The following FGF14 variants were observed in gnomAD, a reference collection of about 807,000 sequenced individuals.
FGF14 encodes the protein fibroblast growth factor 14, also known as fibroblast growth factor homologous factor 4.
In FGF14, 5 loss-of-function variants were observed where a neutral mutation model predicts 25.5. That is an observed-to-expected ratio of 0.20 (90% CI 0.10 to 0.41). The LOEUF (loss-of-function observed/expected upper bound fraction) is 0.41. FGF14 is among the 10% of genes least tolerant of loss of function. The pLI is 1.00. For missense variants in FGF14, 222 were observed against 320.1 expected (o/e 0.69, Z 2.34); for synonymous variants, 138 against 118.3 (o/e 1.17, Z -1.08).
intron 3 of FGF14, among the ~76,000 whole-genome samples, chr13:101,809,846 A>G (rs922617320): frequency 2.6e-5 from 4 of 152,106 alleles, no homozygotes; most frequent in African/African-American, 4.8e-5. Context: ...CAACCACCCT[A>G]TAAGGTTTTT....
intron 1 of FGF14, among the ~76,000 whole-genome samples, chr13:102,069,166 G>T (rs941506474): frequency 5.3e-5 from 8 of 151,868 alleles, no homozygotes. Flanking sequence ...AGCACCCTGT[G>T]TTTAGCTCAA....
intron 1 of FGF14, among the ~76,000 whole-genome samples, chr13:102,286,152 C>A (rs759007306): frequency 6.6e-6 from 1 of 152,116 alleles, no homozygotes; most frequent in Non-Finnish European, 1.5e-5. Flanking sequence ...TAGGGGCCAG[C>A]GTTCCTAAGC....
intron 1 of FGF14, among the ~76,000 whole-genome samples, chr13:102,289,042 T>C (rs1237403350): frequency 3.9e-5 from 6 of 152,194 alleles, no homozygotes; most frequent in South Asian, 2.1e-4. Context: ...AATTGATTTA[T>C]TGACCCTTTG....
At chr13:102,279,533 G>T (rs921997741) in intron 1 of FGF14, among the ~76,000 whole-genome samples, 3 of 151,882 alleles carry the variant, frequency 2.0e-5, no homozygotes, top group African/African-American at 7.3e-5. Context: ...CTATTACTTT[G>T]TTCCTCATTT....
At position 101,799,846 on chromosome 13, in the gene FGF14, C is replaced by A. The variant is rs544983561; in HGVS notation, c.408+68879G>T. On this transcript the variant is annotated intron_variant, in intron 3 of 4. Transcript: ENST00000376143. ...TGAACAACTCAAGGGGAAAAGGACACCGAAAAATAGTCTTCAGAATTGTCC... is the reference window on the plus strand; with the variant it reads ...TGAACAACTCAAGGGGAAAAGGACAACGAAAAATAGTCTTCAGAATTGTCC... Among the ~76,000 whole-genome samples, 44 of 149,080 alleles carry A rather than the reference C, an allele frequency of 3.0e-4. 1 individual carries two copies. The highest frequency in any genetic ancestry group is 5.6e-4 in the Non-Finnish European group (38 of 67,258).
At chr13:101,994,777 T>G (rs936291347) in intron 1 of FGF14, among the ~76,000 whole-genome samples, 2 of 152,096 alleles carry the variant, frequency 1.3e-5, no homozygotes, top group Non-Finnish European at 2.9e-5. Context: ...CTATCCCTTA[T>G]TAAAAATCTA....
At chr13:102,235,833 A>C (rs567539219) in intron 1 of FGF14, among the ~76,000 whole-genome samples, 8 of 152,252 alleles carry the variant, frequency 5.3e-5, no homozygotes, top group Admixed American at 1.3e-4. Context: ...TTCCCAGGTG[A>C]GGCATTTTTA....
intron 2 of FGF14, among the ~76,000 whole-genome samples, chr13:101,870,908 A>G (rs1040055320): frequency 6.6e-6 from 1 of 152,078 alleles, no homozygotes; most frequent in African/African-American, 2.4e-5. Context: ...AGCCTAGATC[A>G]CGCCACTGCA....
chr13:101,989,899 T>C (rs1296846065), intron 1 of FGF14, among the ~76,000 whole-genome samples: 5 of 152,146 alleles, frequency 3.3e-5, no homozygotes, highest in Non-Finnish European at 7.4e-5. Flanking sequence ...AACTTTTAAC[T>C]ATAAATTCTT....
At chr13:101,737,886 C>G (rs1215119118) in intron 3 of FGF14, among the ~76,000 whole-genome samples, 2 of 151,650 alleles carry the variant, frequency 1.3e-5, no homozygotes, top group African/African-American at 4.8e-5. Context: ...AAGAATGTAC[C>G]CCATCAAAAC....
chr13:101,953,967 A>G (rs2036347742), intron 1 of FGF14, among the ~76,000 whole-genome samples: 1 of 152,166 alleles, frequency 6.6e-6, no homozygotes, highest in African/African-American at 2.4e-5. Flanking sequence ...ATGTCTCAAC[A>G]AAAAAGATTA....
rs1169359127 is a variant in FGF14, at chr13:101,721,597, A to T, written c.*1234T>A. ...GGACTCAGCATGCTGAGCTAAAAAAAATATTTTTCCTAATATGTCCAGTTT... is the reference window on the plus strand; with the variant it reads ...GGACTCAGCATGCTGAGCTAAAAAATATATTTTTCCTAATATGTCCAGTTT... On this transcript the variant is annotated 3_prime_UTR_variant, in exon 5 of 5. Coordinates refer to ENST00000376143, the MANE Select transcript of FGF14 (RefSeq NM_004115.4). The T allele has an allele frequency of 1.3e-5, 2 of 152,120 alleles. No homozygotes were observed. Among genetic ancestry groups the T allele is most frequent in the East Asian group, 1.9e-4 (1 of 5,174 alleles). 9.4% of individuals were successfully genotyped at this position (152,120 alleles called of 1,614,324 possible). A position where few individuals can be genotyped will look rare whatever the true frequency, so the allele number is the denominator to read the frequency against.
Position 101,916,647 on chromosome 13 carries a change from G to A in FGF14, c.-2C>T. On this transcript the variant is annotated 5_prime_UTR_variant, in exon 1 of 5. Coordinates refer to ENST00000376143, the MANE Select transcript of FGF14 (RefSeq NM_004115.4). ...GCCGCTAGCGATGGCCGCGGCCATG[G>A]TGGCCCCGGGAACGGGTCCGGGGAG... 1 of 1,551,366 alleles carries A rather than the reference G, an allele frequency of 6.4e-7. No homozygotes were observed. Among genetic ancestry groups the A allele is most frequent in the Non-Finnish European group, 8.7e-7 (1 of 1,145,592 alleles).
chr13:101,728,594 A>G (rs2035598697), intron 3 of FGF14, among the ~76,000 whole-genome samples: 1 of 152,166 alleles, frequency 6.6e-6, no homozygotes, highest in African/African-American at 2.4e-5. Context: ...ACTAATAAAT[A>G]TATTGGTTGA....
chr13:102,243,903 C>T (rs1030062727), intron 1 of FGF14, among the ~76,000 whole-genome samples: 1 of 152,022 alleles, frequency 6.6e-6, no homozygotes, highest in Non-Finnish European at 1.5e-5. Context: ...TTGATGAGAA[C>T]TCTTTCAAGT....
chr13:102,184,339 G>A lies in FGF14; in HGVS notation c.208+217132C>T, dbSNP rs543782445. Among the ~76,000 whole-genome samples the A allele has an allele frequency of 3.3e-5, 5 of 152,204 alleles. 1 individual carries two copies. The South Asian group carries it at 1.0e-3, about 32-fold the overall frequency. ...GGAGGGCAGTAAAAAGAAGGAGGAG[G>A]AGACAATAAAGACAGGCAGAAGGCT... is the stretch of plus-strand genomic sequence containing the variant. On this transcript the variant is annotated intron_variant, in intron 1 of 4. Coordinates refer to the FGF14 transcript ENST00000376131.
At chr13:102,308,778 G>C (rs973332182) in intron 1 of FGF14, among the ~76,000 whole-genome samples, 2 of 152,058 alleles carry the variant, frequency 1.3e-5, no homozygotes, top group African/African-American at 4.8e-5. Flanking sequence ...TCACACAAGA[G>C]AGTGGTTACA....
At chr13:102,378,808 AG>A (rs2058107732) in intron 1 of FGF14, among the ~76,000 whole-genome samples, 1 of 152,156 alleles carries the variant, frequency 6.6e-6, no homozygotes, top group Non-Finnish European at 1.5e-5. Flanking sequence ...AATAAAAAAA[AG>A]CAACAAAAAT....
chr13:102,066,126 T>C (rs1248732684), intron 1 of FGF14, among the ~76,000 whole-genome samples: 3 of 152,124 alleles, frequency 2.0e-5, no homozygotes, highest in Non-Finnish European at 2.9e-5. Context: ...GCTTAAAATA[T>C]ATCCTGGTTT....
Sources: allele counts gnomAD v4.1 joint callset (sites outside exome capture counted in the v4.1 genomes callset), GRCh38; gene constraint gnomAD v4.1.1; transcripts MANE v1.5; gene names NCBI Gene and HGNC (gene_info 2026-07-23, HGNC 2026-07-21).